Variants in LARGE1 observed in about 807,000 individuals in gnomAD.
The protein encoded by LARGE1 is xylosyl- and glucuronyltransferase LARGE1.
Under a neutral mutation model 87.6 loss-of-function variants are expected in LARGE1, and 43 were observed. The observed-to-expected ratio is 0.49, with a 90% CI of 0.38 to 0.63. The LOEUF (loss-of-function observed/expected upper bound fraction) is 0.63. Among genes scored for constraint, LARGE1 ranks in the 30% least tolerant of loss-of-function variants. The pLI, the probability that LARGE1 is intolerant of heterozygous loss-of-function variation, is 0.00. For missense variants in LARGE1, 802 were observed against 1,000.2 expected, an observed-to-expected ratio of 0.80 and a Z score of 2.67; for synonymous variants, 434 against 394.6, an observed-to-expected ratio of 1.10 and a Z score of -1.18.
chr22:33,100,381 T>C, the LARGE1 span, among the ~76,000 whole-genome samples: 5 of 143,942 alleles, frequency 3.5e-5, no homozygotes, highest in Non-Finnish European at 6.1e-5. Context: ...AGTAAAAAAT[T>C]AAATAAATAA....
At chr22:33,512,161 C>T (rs1290967203) in intron 6 of LARGE1, among the ~76,000 whole-genome samples, 10 of 152,144 alleles carry the variant, frequency 6.6e-5, no homozygotes, top group Non-Finnish European at 1.5e-4. Flanking sequence ...AGGAAGGAAA[C>T]TGATATTGTA....
At chr22:33,220,950 C>T (rs994684955) in intron 11 of LARGE1, among the ~76,000 whole-genome samples, 1 of 152,072 alleles carries the variant, frequency 6.6e-6, no homozygotes, top group African/African-American at 2.4e-5. Context: ...TTCCCCATTC[C>T]TCCCTCTCTT....
intron 5 of LARGE1, among the ~76,000 whole-genome samples, chr22:33,585,234 A>G (rs2078637280): frequency 6.6e-6 from 1 of 152,250 alleles, no homozygotes; most frequent in Non-Finnish European, 1.5e-5. Context: ...TTTTCTTCTC[A>G]CAGCAAACCT....
At chr22:33,072,632 A>G in the LARGE1 span, among the ~76,000 whole-genome samples, 6 of 152,210 alleles carry the variant, frequency 3.9e-5, no homozygotes, top group Admixed American at 3.3e-4. Context: ...GTATATTTCT[A>G]AAAATATTCC....
intron 6 of LARGE1, among the ~76,000 whole-genome samples, chr22:33,503,985 G>A (rs1030449159): frequency 6.6e-6 from 1 of 152,096 alleles, no homozygotes; most frequent in African/African-American, 2.4e-5. Context: ...GACAAACCTT[G>A]AAAATGTCAT....
chr22:33,310,544 C>A, intron 11 of LARGE1, among the ~76,000 whole-genome samples: 1 of 152,072 alleles, frequency 6.6e-6, no homozygotes, highest in Middle Eastern at 3.4e-3. Context: ...GAGGGAGCTG[C>A]GTACGGGAGT....
intron 1 of LARGE1, among the ~76,000 whole-genome samples, chr22:33,762,867 A>G (rs1053162523): frequency 6.6e-6 from 1 of 152,220 alleles, no homozygotes; most frequent in Non-Finnish European, 1.5e-5. Context: ...CTATAGGTGG[A>G]AAGAAAGATA....
At chr22:33,776,959 T>C (rs1309419718) in intron 1 of LARGE1, among the ~76,000 whole-genome samples, 1 of 152,120 alleles carries the variant, frequency 6.6e-6, no homozygotes, top group Non-Finnish European at 1.5e-5. Flanking sequence ...GGTCAGCACA[T>C]GGGCCCCTGC....
At chr22:33,689,156 TCTCTCTCTCTCC>T in intron 2 of LARGE1, among the ~76,000 whole-genome samples, 1 of 150,138 alleles carries the variant, frequency 6.7e-6, no homozygotes, top group Non-Finnish European at 1.5e-5. Flanking sequence ...TCTCTCTCTC[TCTCTCTCTCTCC>T]CCCCTCCTGT....
At chr22:33,607,288 C>T (rs1335187799) in intron 4 of LARGE1, among the ~76,000 whole-genome samples, 1 of 151,798 alleles carries the variant, frequency 6.6e-6, no homozygotes, top group Admixed American at 6.6e-5. Flanking sequence ...ATGGCGAAAC[C>T]CTGTCTCTAC....
chr22:33,190,177 T>C (rs1923704003), intron 11 of LARGE1, among the ~76,000 whole-genome samples: 1 of 152,056 alleles, frequency 6.6e-6, no homozygotes, highest in Admixed American at 6.6e-5. Flanking sequence ...TCAATAGTGC[T>C]GGGGGGATTA....
At chr22:33,651,896 G>C (rs756612829) in intron 2 of LARGE1, among the ~76,000 whole-genome samples, 1 of 152,122 alleles carries the variant, frequency 6.6e-6, no homozygotes, top group Non-Finnish European at 1.5e-5. Context: ...AGGCACGGCC[G>C]CGTGTGGTGG....
chr22:33,344,794 G>A (rs4239870), intron 9 of LARGE1, among the ~76,000 whole-genome samples: 196 of 26,430 alleles, frequency 7.4e-3, no homozygotes, highest in South Asian at 0.014. Context: ...TGAGGGAAAG[G>A]ATCACCCATC....
intron 5 of LARGE1, among the ~76,000 whole-genome samples, chr22:33,599,989 G>A (rs1173794289): frequency 1.3e-5 from 2 of 152,154 alleles, no homozygotes; most frequent in African/African-American, 4.8e-5. Context: ...GTGGGCTGGT[G>A]CAAATGTTGC....
At chr22:33,864,897 A>C (rs985853570) in intron 1 of LARGE1, among the ~76,000 whole-genome samples, 5 of 152,132 alleles carry the variant, frequency 3.3e-5, no homozygotes, top group Admixed American at 1.3e-4. Flanking sequence ...GCAGGCCTCT[A>C]TCTCTCGCTC....
chr22:33,268,832 C>A (rs1220463012), downstream of LARGE1, among the ~76,000 whole-genome samples: 1 of 152,110 alleles, frequency 6.6e-6, no homozygotes, highest in African/African-American at 2.4e-5. Flanking sequence ...CCTTAGGGAC[C>A]CACATATTGA....
At chr22:33,782,406 T>C (rs2085451841) in intron 1 of LARGE1, among the ~76,000 whole-genome samples, 2 of 152,176 alleles carry the variant, frequency 1.3e-5, no homozygotes, top group Non-Finnish European at 2.9e-5. Flanking sequence ...TGGAATTCGT[T>C]GTGACAATCA....
the LARGE1 span, among the ~76,000 whole-genome samples, chr22:33,094,173 T>A: frequency 6.6e-6 from 1 of 152,300 alleles, no homozygotes; most frequent in East Asian, 1.9e-4. Flanking sequence ...TATCATTTTC[T>A]GAGCCCCAAC....
chr22:33,150,267 AAT>A, the LARGE1 span, among the ~76,000 whole-genome samples: 2 of 152,050 alleles, frequency 1.3e-5, no homozygotes, highest in East Asian at 3.9e-4. Context: ...TTCCCTGCTA[AAT>A]AAACCCCTCA....
Sources: allele counts gnomAD v4.1 joint callset (sites outside exome capture counted in the v4.1 genomes callset), GRCh38; gene constraint gnomAD v4.1.1; transcripts MANE v1.5; gene names NCBI Gene and HGNC (gene_info 2026-07-23, HGNC 2026-07-21).